The following ZFR variants were observed in gnomAD, a reference collection of about 807,000 sequenced individuals.
The protein encoded by ZFR is zinc finger RNA-binding protein.
ZFR carries 19 observed loss-of-function variants against 130.7 expected under a neutral mutation model. The observed-to-expected ratio is 0.15, with a 90% confidence interval of 0.10 to 0.21. The LOEUF (loss-of-function observed/expected upper bound fraction) is 0.21. Ranked by LOEUF, ZFR falls within the 10% of genes least tolerant of loss-of-function variation. ZFR has a pLI of 1.00. For missense variants in ZFR, 872 were observed against 1,321.5 expected, an observed-to-expected ratio of 0.66 and a Z score of 5.27; for synonymous variants, 466 against 456.9, an observed-to-expected ratio of 1.02 and a Z score of -0.25.
intron 5 of ZFR, among the ~76,000 whole-genome samples, chr5:32,412,112 A>G (rs1053681736): frequency 3.9e-5 from 6 of 152,216 alleles, no homozygotes; most frequent in African/African-American, 1.4e-4. Context: ...ACAGGGTGAA[A>G]GACAGTTGAG....
intron 9 of ZFR, among the ~76,000 whole-genome samples, chr5:32,398,182 A>T (rs1016184621): frequency 2.6e-5 from 4 of 152,048 alleles, no homozygotes; most frequent in Non-Finnish European, 5.9e-5. Context: ...ATATTTTTGT[A>T]TGTATGTAAG....
chr5:32,356,724 G>A (rs1212407384), intron 19 of ZFR, among the ~76,000 whole-genome samples: 3 of 152,038 alleles, frequency 2.0e-5, no homozygotes, highest in Non-Finnish European at 4.4e-5. Context: ...CGGCCTCCAA[G>A]TATTTTTATT....
intron 15 of ZFR, among the ~76,000 whole-genome samples, chr5:32,382,292 C>CA (rs1321566600): frequency 6.6e-6 from 1 of 152,142 alleles, no homozygotes; most frequent in Non-Finnish European, 1.5e-5. Flanking sequence ...GCCTGGGTGA[C>CA]AGAGTGACTG....
At chr5:32,403,885 G>T (rs185145898) in intron 7 of ZFR, 21 bp downstream of exon 7, 21 of 1,555,458 alleles carry the variant, frequency 1.4e-5, no homozygotes, top group Admixed American at 5.8e-5. Context: ...GCATAAGGGT[G>T]TGTGGGAAAA....
At chr5:32,381,846 T>C (rs974282016) in intron 15 of ZFR, among the ~76,000 whole-genome samples, 1 of 152,174 alleles carries the variant, frequency 6.6e-6, no homozygotes, top group Non-Finnish European at 1.5e-5. Flanking sequence ...AAAGAGGAAT[T>C]TGGTGCTAAA....
At chr5:32,374,959 C>G (rs2111693329) in intron 17 of ZFR, among the ~76,000 whole-genome samples, 1 of 152,246 alleles carries the variant, frequency 6.6e-6, no homozygotes, top group Non-Finnish European at 1.5e-5. Flanking sequence ...CAAAGAAAAG[C>G]TTCCAAATTA....
intron 17 of ZFR, among the ~76,000 whole-genome samples, chr5:32,369,823 C>G (rs1487447652): frequency 6.6e-6 from 1 of 151,944 alleles, no homozygotes; most frequent in Non-Finnish European, 1.5e-5. Context: ...AAAAAGATAA[C>G]ATGAAACATT....
At chr5:32,440,572 G>A (rs532127381) in intron 2 of ZFR, among the ~76,000 whole-genome samples, 3 of 151,952 alleles carry the variant, frequency 2.0e-5, no homozygotes, top group Non-Finnish European at 2.9e-5. Flanking sequence ...ACTTGAACCC[G>A]AGAGGCAGAG....
In ZFR at chr5:32,423,752, A is replaced by G. The variant is rs148728170; in HGVS notation, c.138-3649T>C. Among the ~76,000 whole-genome samples the G allele has an allele frequency of 1.1e-4, 17 of 152,304 alleles. No individual in the cohort carries two copies. The East Asian group carries it at 2.1e-3, about 19-fold the overall frequency. ...GAGTGAAAAAAACAAACCTAGAGAC[A>G]TAGCATTTTACTTTTCAAGACAAAA... is the stretch of plus-strand genomic sequence containing the variant. On this transcript the variant is annotated intron_variant, in intron 2 of 19. Transcript: ENST00000265069.
At chr5:32,397,933 C>G (rs1451404818) in intron 9 of ZFR, among the ~76,000 whole-genome samples, 1 of 132,998 alleles carries the variant, frequency 7.5e-6, no homozygotes. Context: ...TCTCGGCTCA[C>G]TGCCAGCTCC....
intron 2 of ZFR, among the ~76,000 whole-genome samples, chr5:32,443,011 C>A (rs1339151336): frequency 1.3e-5 from 2 of 150,518 alleles, no homozygotes; most frequent in African/African-American, 4.9e-5. Flanking sequence ...TCAGCCTGGG[C>A]AACATAGGTC....
intron 19 of ZFR, among the ~76,000 whole-genome samples, chr5:32,361,639 G>A (rs1328816771): frequency 1.5e-5 from 2 of 131,026 alleles, no homozygotes; most frequent in African/African-American, 5.8e-5. Context: ...TTTTTTTTGA[G>A]ATGGAGTCTC....
intron 5 of ZFR, 34 bp downstream of exon 5, chr5:32,414,935 G>T (rs1363749297): frequency 1.3e-6 from 2 of 1,563,510 alleles, no homozygotes; most frequent in South Asian, 1.1e-5. Flanking sequence ...TTCCTAATTT[G>T]TTTACTCATT....
rs1185954662 is a variant in ZFR, at chr5:32,354,783, ATAAT to A, written c.*973_*976del. Reference sequence around the variant, plus strand: ...CACACACCAATAAGGAACTGTCACCATAATTAAGGGCTAGTTACTGTTGTTAGTT... The same window carrying A: ...CACACACCAATAAGGAACTGTCACCATAAGGGCTAGTTACTGTTGTTAGTT... On this transcript the variant is annotated 3_prime_UTR_variant, in exon 20 of 20. Transcript: ENST00000265069. 4 of 152,636 alleles carry A rather than the reference ATAAT, an allele frequency of 2.6e-5. No homozygotes were observed. The highest frequency in any genetic ancestry group is 6.5e-5 in the Admixed American group (1 of 15,282). 9.5% of individuals were successfully genotyped at this position (152,636 alleles called of 1,614,324 possible).
At chr5:32,363,394 T>C (rs1752475433) in intron 19 of ZFR, among the ~76,000 whole-genome samples, 1 of 152,238 alleles carries the variant, frequency 6.6e-6, no homozygotes, top group South Asian at 2.1e-4. Flanking sequence ...ATATACCAGG[T>C]GTTAAGATGG....
chr5:32,372,442 T>C (rs1313943132), intron 17 of ZFR, among the ~76,000 whole-genome samples: 1 of 152,100 alleles, frequency 6.6e-6, no homozygotes, highest in Non-Finnish European at 1.5e-5. Flanking sequence ...AAACGTGAGT[T>C]TGAACTGCAC....
chr5:32,369,335 T>C (rs1237267425), intron 17 of ZFR, among the ~76,000 whole-genome samples: 1 of 152,198 alleles, frequency 6.6e-6, no homozygotes, highest in Admixed American at 6.5e-5. Flanking sequence ...CTAAAATCTG[T>C]ATTACTTACA....
chr5:32,414,948 AAC>A lies in ZFR; in HGVS notation c.784+19_784+20del, dbSNP rs759940557. 7 of 1,596,080 alleles carry A rather than the reference AAC, an allele frequency of 4.4e-6. No individual in the cohort carries two copies. The highest frequency in any genetic ancestry group is 4.5e-5 in the East Asian group (2 of 44,530). Reference sequence around the variant, plus strand: ...TCTTCCTAATTTGTTTACTCATTTAAACACAGTTTATCAGTCTTACCAGAATA... The same window carrying A: ...TCTTCCTAATTTGTTTACTCATTTAAACAGTTTATCAGTCTTACCAGAATA... On this transcript the variant is annotated intron_variant, in intron 5 of 19. Transcript: ENST00000265069.
chr5:32,361,923 C>G (rs1581676111), intron 19 of ZFR, among the ~76,000 whole-genome samples: 1 of 152,076 alleles, frequency 6.6e-6, no homozygotes, highest in Non-Finnish European at 1.5e-5. Context: ...CCAGCCTATG[C>G]TAATATTTTA....
Sources: gnomAD v4.1 joint callset for allele counts (sites outside exome capture counted in the v4.1 genomes callset) on GRCh38, gnomAD v4.1.1 for gene constraint, MANE v1.5 for transcripts, NCBI Gene and HGNC (gene_info 2026-07-23, HGNC 2026-07-21) for gene names.